The following VSIR variants were observed in gnomAD, a reference collection of about 807,000 sequenced individuals.
The protein encoded by VSIR is V-set immunoregulatory receptor, also known as V-type immunoglobulin domain-containing suppressor of T-cell activation.
A neutral mutation model predicts 31.0 loss-of-function variants in VSIR; 10 were observed. That is an observed-to-expected ratio of 0.32 (90% CI 0.20 to 0.55). The LOEUF (loss-of-function observed/expected upper bound fraction) is 0.55, where lower values mean the gene tolerates loss of function less well. VSIR is among the 20% of genes least tolerant of loss of function. VSIR has a pLI of 0.93. For missense variants in VSIR, 356 were observed against 416.2 expected (o/e 0.86, Z 1.26); for synonymous variants, 179 against 180.1 (o/e 0.99, Z 0.05).
chr10:71,763,431 T>C (rs1840449319), intron 1 of VSIR, among the ~76,000 whole-genome samples: 1 of 152,230 alleles, frequency 6.6e-6, no homozygotes, highest in Non-Finnish European at 1.5e-5. Context: ...GCCAGGGGCA[T>C]TGCCCAGAAC....
rs527496673 is a variant in VSIR at position 71,755,427 on chromosome 10, A to G, written c.608T>C (p.Val203Ala). ...AAALATGACIVGILCLPLILL... is the reference protein window; with the variant it reads ...AAALATGACIAGILCLPLILL... Reference sequence around the variant, plus strand: ...GATGAGGGGGAGGCAGAGGATTCCTACGATGCAGGCACCCGTAGCCAGGGC... The same window carrying G: ...GATGAGGGGGAGGCAGAGGATTCCTGCGATGCAGGCACCCGTAGCCAGGGC... Residue 203 changes from valine (V) to alanine (A), a missense_variant, in exon 4 of 7, where the codon GTA (valine) becomes GCA (alanine). This residue lies in a region of VSIR where 190 missense variants were observed against 185.2 expected (regional missense o/e 1.03). Coordinates refer to ENST00000394957, the MANE Select transcript of VSIR (RefSeq NM_022153.2). 22 of 1,613,426 alleles carry G rather than the reference A, an allele frequency of 1.4e-5. No individual in the cohort carries two copies. The Admixed American group carries it at 3.2e-4, about 23-fold the overall frequency.
At position 71,747,630 on chromosome 10, in the gene VSIR, A is replaced by AT. The variant is rs1226373416; in HGVS notation, c.*3622_*3623insA. 3 of 152,276 alleles carry AT rather than the reference A, an allele frequency of 2.0e-5. No homozygotes were observed. The highest frequency in any genetic ancestry group is 7.2e-5 in the African/African-American group (3 of 41,474). 9.4% of individuals were successfully genotyped at this position (152,276 alleles called of 1,614,324 possible). On this transcript the variant is annotated 3_prime_UTR_variant, in exon 7 of 7. Transcript: ENST00000394957. ...CAGAACCTCTATTGCCCTCTGTGTTAAATGGCAGCAATAAAACCTCCCAGG... is the reference window on the plus strand; with the variant it reads ...CAGAACCTCTATTGCCCTCTGTGTTATAATGGCAGCAATAAAACCTCCCAGG...
At chr10:71,762,862 T>C (rs1183761511) in intron 1 of VSIR, among the ~76,000 whole-genome samples, 1 of 152,216 alleles carries the variant, frequency 6.6e-6, no homozygotes, top group Non-Finnish European at 1.5e-5. Context: ...TCTAGTTCTG[T>C]TTGGTTTTTT....
chr10:71,762,076 C>T (rs1564781642), intron 1 of VSIR, 50 bp from the exon 2 acceptor site: 2 of 1,528,946 alleles, frequency 1.3e-6, no homozygotes. Context: ...AGTGCTACTC[C>T]TGGCAACCCC....
chr10:71,766,012 G>A (rs979735062), intron 1 of VSIR, among the ~76,000 whole-genome samples: 7 of 152,174 alleles, frequency 4.6e-5, no homozygotes, highest in African/African-American at 1.7e-4. Flanking sequence ...GAGGACACTC[G>A]AAGGCATGGC....
chr10:71,753,044 G>C (rs748533224), intron 4 of VSIR, 42 bp from the exon 5 acceptor site: 2 of 1,603,656 alleles, frequency 1.2e-6, no homozygotes, highest in Non-Finnish European at 1.7e-6. Flanking sequence ...GGAAGGGAAG[G>C]CTTCCCCATA....
chr10:71,763,450 T>G (rs1449043367), intron 1 of VSIR, among the ~76,000 whole-genome samples: 2 of 152,228 alleles, frequency 1.3e-5, no homozygotes, highest in Non-Finnish European at 2.9e-5. Flanking sequence ...ACCAATATAA[T>G]GCCACATCCT....
chr10:71,773,038 CCTT>C (rs896332803), intron 1 of VSIR, among the ~76,000 whole-genome samples: 7 of 152,238 alleles, frequency 4.6e-5, no homozygotes, highest in South Asian at 2.1e-4. Flanking sequence ...CTGTGCCTCT[CCTT>C]CTTTGCAGAA....
At chr10:71,768,226 A>G (rs1258379695) in intron 1 of VSIR, among the ~76,000 whole-genome samples, 1 of 152,158 alleles carries the variant, frequency 6.6e-6, no homozygotes, top group Non-Finnish European at 1.5e-5. Context: ...GCTGGAGTTC[A>G]GTGGTGCAAT....
Position 71,751,096 on chromosome 10 carries a change from T to A in VSIR, c.*157A>T. 4 of 876,602 alleles carry A rather than the reference T, an allele frequency of 4.6e-6. No individual in the cohort carries two copies. The highest frequency in any genetic ancestry group is 6.9e-6 in the Non-Finnish European group (4 of 578,820). 54.3% of individuals were successfully genotyped at this position (876,602 alleles called of 1,614,324 possible). ...CATCCCCATGTAGCATCCAGAGGGGTTGAGGGGCTGGGCTTCTGGGATGTC... is the reference window on the plus strand; with the variant it reads ...CATCCCCATGTAGCATCCAGAGGGGATGAGGGGCTGGGCTTCTGGGATGTC... On this transcript the variant is annotated 3_prime_UTR_variant, in exon 7 of 7. Coordinates refer to ENST00000394957, the MANE Select transcript of VSIR (RefSeq NM_022153.2). This position sits in a 1 kb window ranked among gnomAD's most constrained non-coding sequence, Gnocchi z 4.9.
chr10:71,773,308 T>G lies in VSIR; in HGVS notation c.82+50A>C, dbSNP rs766686329. On this transcript the variant is annotated intron_variant, in intron 1 of 6. Coordinates refer to ENST00000394957, the MANE Select transcript of VSIR (RefSeq NM_022153.2). ...CCATCCCACAGTTCCCACTCCAGTC[T>G]GCTGTCTTCTCCCAGCTTTTTCCCA... 1.9e-6 allele frequency: 3 copies of G among 1,549,808 alleles called. No individual in the cohort carries two copies. In the South Asian group the frequency reaches 3.5e-5, roughly 18 times the overall value.
intron 1 of VSIR, among the ~76,000 whole-genome samples, chr10:71,766,840 A>G (rs1223586215): frequency 6.6e-6 from 1 of 152,164 alleles, no homozygotes; most frequent in Non-Finnish European, 1.5e-5. Context: ...CCACCTCTCC[A>G]GAACCCTCCA....
rs141387609 is a variant in VSIR, at chr10:71,758,287, C to T, written c.568+2581G>A. ...TCCGTGGTTTAGCTGATCCCCATTC[C>T]GGCTTAGGTCCTCGTGCATGTCCTC... On this transcript the variant is annotated intron_variant, in intron 3 of 6. Transcript: ENST00000394957. 6.4e-3 allele frequency among the ~76,000 whole-genome samples: 971 copies of T among 152,284 alleles called. 12 individuals are homozygous for T. Among genetic ancestry groups the T allele is most frequent in the African/African-American group, 0.022 (903 of 41,546 alleles).
chr10:71,766,513 T>C (rs1020780004), intron 1 of VSIR, among the ~76,000 whole-genome samples: 1 of 152,208 alleles, frequency 6.6e-6, no homozygotes, highest in Non-Finnish European at 1.5e-5. Context: ...GCCCTCATTG[T>C]GTGCCCTTGG....
chr10:71,762,631 T>C (rs1455387894), intron 1 of VSIR, among the ~76,000 whole-genome samples: 2 of 152,098 alleles, frequency 1.3e-5, no homozygotes, highest in East Asian at 3.9e-4. Context: ...TCAGGGCACT[T>C]GGAGGAGGGA....
At chr10:71,760,803 C>A in intron 3 of VSIR, 65 bp downstream of exon 3, 1 of 1,500,812 alleles carries the variant, frequency 6.7e-7, no homozygotes, top group South Asian at 1.1e-5. Flanking sequence ...CAAACAGGGT[C>A]TGGGTGCAGG....
At chr10:71,761,039 G>T in intron 2 of VSIR, 115 bp from the exon 3 acceptor site, 1 of 1,033,674 alleles carries the variant, frequency 9.7e-7, no homozygotes. Context: ...TGCCTACTCG[G>T]CAGTGTTGGC....
At position 71,761,982 on chromosome 10, in the gene VSIR, C is replaced by CA. The variant is rs1211552986; in HGVS notation, c.126dup (p.Val43CysfsTer99). 1 of 1,613,182 alleles carries CA rather than the reference C, an allele frequency of 6.2e-7. No individual in the cohort carries two copies. The highest frequency in any genetic ancestry group is 8.5e-7 in the Non-Finnish European group (1 of 1,179,730). On this transcript the variant is annotated frameshift_variant, in exon 2 of 7. Transcript: ENST00000394957. LOFTEE classifies it high-confidence loss of function. ...GTGACGTTCTGCCCCTCGGGACAGA[C>CA]ATACAGGGAATACGGCGTGGCGACC...
chr10:71,769,229 T>C (rs201154535), intron 1 of VSIR, among the ~76,000 whole-genome samples: 1 of 152,228 alleles, frequency 6.6e-6, no homozygotes, highest in African/African-American at 2.4e-5. Context: ...CTCTAAAACA[T>C]TTGCTAATCT....
Sources: allele counts gnomAD v4.1 joint callset (sites outside exome capture counted in the v4.1 genomes callset), GRCh38; gene constraint gnomAD v4.1.1; regional missense constraint gnomAD v4.1.1; non-coding constraint Gnocchi (gnomAD v3.1); transcripts MANE v1.5; gene names NCBI Gene and HGNC (gene_info 2026-07-23, HGNC 2026-07-21).